ABCA12: variants seen among roughly 807,000 people sequenced by gnomAD.
ABCA12 encodes the protein glucosylceramide transporter ABCA12.
Under a neutral mutation model 293.5 loss-of-function variants are expected in ABCA12, and 156 were observed. The ratio of observed to expected loss-of-function variants is 0.53; its 90% CI spans 0.47 to 0.61. The LOEUF (loss-of-function observed/expected upper bound fraction) is 0.61. Among genes scored for constraint, ABCA12 ranks in the 20% least tolerant of loss-of-function variants. The pLI is 0.00. For synonymous variants in ABCA12, 1,063 were observed against 1,108.0 expected (o/e 0.96, Z 0.81); for missense variants, 2,797 against 3,090.2 (o/e 0.91, Z 2.25).
chr2:214,993,555 T>C (rs952532846), intron 23 of ABCA12, among the ~76,000 whole-genome samples: 4 of 152,250 alleles, frequency 2.6e-5, no homozygotes, highest in Admixed American at 2.0e-4. Context: ...TATTTTCAGA[T>C]TTTTATGCCT....
chr2:214,951,846 T>G (rs576720631), intron 44 of ABCA12, among the ~76,000 whole-genome samples: 1 of 152,304 alleles, frequency 6.6e-6, no homozygotes, highest in South Asian at 2.1e-4. Flanking sequence ...TTAACAAAAT[T>G]TTAAGTGCAT....
chr2:215,109,730 T>C (rs1702532509), intron 2 of ABCA12, among the ~76,000 whole-genome samples: 1 of 152,186 alleles, frequency 6.6e-6, no homozygotes, highest in African/African-American at 2.4e-5. Flanking sequence ...CACAGTTTTT[T>C]CCATGAATCT....
At chr2:215,074,587 T>C (rs1442523555) in intron 2 of ABCA12, among the ~76,000 whole-genome samples, 1 of 152,066 alleles carries the variant, frequency 6.6e-6, no homozygotes, top group Non-Finnish European at 1.5e-5. Context: ...TGGATCTGGG[T>C]GTCAAAGAAA....
intron 17 of ABCA12, 56 bp downstream of exon 17, chr2:215,011,383 C>T: frequency 7.9e-7 from 1 of 1,269,426 alleles, no homozygotes; most frequent in Non-Finnish European, 1.1e-6. Flanking sequence ...ACAGAATAGA[C>T]AGTATTCTTA....
intron 2 of ABCA12, among the ~76,000 whole-genome samples, chr2:215,076,700 T>C (rs370675889): frequency 2.0e-5 from 3 of 152,220 alleles, no homozygotes; most frequent in East Asian, 3.8e-4. Flanking sequence ...ATATCCATTA[T>C]GGTAATAAAT....
At chr2:215,065,836 T>C (rs1428961692) in intron 2 of ABCA12, among the ~76,000 whole-genome samples, 2 of 152,076 alleles carry the variant, frequency 1.3e-5, no homozygotes, top group East Asian at 3.9e-4. Context: ...ACAGTAACTA[T>C]AGAAAAAAAT....
At chr2:214,947,621 GA>G (rs1035111041) in intron 47 of ABCA12, 65 bp from the exon 48 acceptor site, 3,380 of 1,361,842 alleles carry the variant, frequency 2.5e-3, no homozygotes, top group Admixed American at 5.0e-3. Context: ...GCACTAAATG[GA>G]AAAAAAAAAG....
At chr2:215,065,468 G>A (rs951256473) in intron 2 of ABCA12, among the ~76,000 whole-genome samples, 2 of 151,820 alleles carry the variant, frequency 1.3e-5, no homozygotes, top group Non-Finnish European at 2.9e-5. Flanking sequence ...TTTGATTCCA[G>A]TAACTTAAAT....
chr2:214,975,749 T>C, intron 34 of ABCA12, 36 bp downstream of exon 34: 2 of 1,613,700 alleles, frequency 1.2e-6, no homozygotes, highest in Non-Finnish European at 1.7e-6. Flanking sequence ...GGAAGCATTT[T>C]GGAAACATTC....
In ABCA12 at chr2:214,969,693, C is replaced by G. The variant is rs567754435; in HGVS notation, c.5690+580G>C. ...AATAATATTCTTTTTCTTCTTTTTG[C>G]TTATCTGTAGTTTCTAATTATTTTT... On this transcript the variant is annotated intron_variant, in intron 37 of 52. Coordinates refer to ENST00000272895, the MANE Select transcript of ABCA12 (RefSeq NM_173076.3). Among the ~76,000 whole-genome samples, 628 of 151,958 alleles carry G rather than the reference C, an allele frequency of 4.1e-3. 4 individuals carry two copies. The highest frequency in any genetic ancestry group is 0.015 in the African/African-American group (605 of 41,482).
chr2:215,032,201 G>A (rs1441385261), intron 8 of ABCA12: 17 of 868,838 alleles, frequency 2.0e-5, no homozygotes, highest in Non-Finnish European at 2.2e-5. Context: ...ATATGCAGAT[G>A]ACTGCTAAGT....
chr2:214,979,148 T>C, intron 31 of ABCA12, 108 bp from the exon 32 acceptor site: 2 of 963,838 alleles, frequency 2.1e-6, no homozygotes, highest in South Asian at 2.6e-5. Flanking sequence ...ACTCCACACC[T>C]GAGTCAGATC....
chr2:214,949,962 A>G (rs1698702972), intron 45 of ABCA12, among the ~76,000 whole-genome samples: 1 of 152,170 alleles, frequency 6.6e-6, no homozygotes, highest in African/African-American at 2.4e-5. Flanking sequence ...ACATGTGTAA[A>G]TTATATATAC....
Position 215,026,851 on chromosome 2 carries a change from A to C in ABCA12, c.1149T>G (p.Asn383Lys). The C allele has an allele frequency of 6.2e-7, 1 of 1,613,212 alleles. No homozygotes were observed. Among genetic ancestry groups the C allele is most frequent in the Non-Finnish European group, 8.5e-7 (1 of 1,179,158 alleles). The change falls in exon 10 of 53, where the codon AAT becomes AAG. Residue 383 changes from asparagine to lysine, a missense_variant. Asn to Lys is a moderately conservative substitution (Grantham distance 94). This residue lies in a region of ABCA12 where 656 missense variants were observed against 638.2 expected (regional missense o/e 1.03). Coordinates refer to ENST00000272895, the MANE Select transcript of ABCA12 (RefSeq NM_173076.3). Reference sequence around the variant, plus strand: ...AACCTCTGGCCAAACTGTCAGTCACATTTCTCACACATGCCAAGTAAGGAA... The same window carrying C: ...AACCTCTGGCCAAACTGTCAGTCACCTTTCTCACACATGCCAAGTAAGGAA... ...PYIPYLACVR[N>K]VTDSLARGSP...
At position 215,093,541 on chromosome 2, in the gene ABCA12, G is replaced by A. The variant is rs181345945; in HGVS notation, c.163+18056C>T. ...GAATTCTTACACAAGAACCAGAACC[G>A]CGCCCTGTAGTCTTTTTATCCAAAC... is the stretch of plus-strand genomic sequence containing the variant. On this transcript the variant is annotated intron_variant, in intron 2 of 52. Transcript: ENST00000272895. Among the ~76,000 whole-genome samples, 5 of 152,294 alleles carry A rather than the reference G, an allele frequency of 3.3e-5. No individual in the cohort carries two copies. The East Asian group carries it at 7.7e-4, about 24-fold the overall frequency.
rs1448430178 is a variant in ABCA12, at chr2:215,027,032, G to A, written c.1062-94C>T. Reference sequence around the variant, plus strand: ...CATTTTGGTCCCTTGTTTGGCATTGGTTGACTTGGACATTGAAATACTATG... The same window carrying A: ...CATTTTGGTCCCTTGTTTGGCATTGATTGACTTGGACATTGAAATACTATG... On this transcript the variant is annotated intron_variant, in intron 9 of 52. Transcript: ENST00000272895. 23 of 932,188 alleles carry A rather than the reference G, an allele frequency of 2.5e-5. No individual in the cohort carries two copies. In the Admixed American group the frequency reaches 4.0e-4, roughly 16 times the overall value. The allele number at this position is 932,188 out of a possible 1,614,324, so 57.7% of individuals were successfully genotyped here.
Position 215,007,770 on chromosome 2 carries a change from A to G in ABCA12, c.2549T>C (p.Met850Thr). The G allele has an allele frequency of 1.2e-6, 2 of 1,614,084 alleles. No individual in the cohort carries two copies. Among genetic ancestry groups the G allele is most frequent in the Non-Finnish European group, 1.7e-6 (2 of 1,179,962 alleles). The change falls in exon 19 of 53, where the codon ATG becomes ACG. Residue 850 changes from methionine to threonine, a missense_variant. By Grantham distance (81) the Met-to-Thr change is moderately conservative. This residue lies in a region of ABCA12 where 2,130 missense variants were observed against 2,427.0 expected (regional missense o/e 0.88). Transcript: ENST00000272895. ...CTGGTTTAACAGATGGAAGGAATTC[A>G]TGAAAAGTGGCGACTTATCCATCCA... ...QEWMDKSPLF[M>T]NSFHLLNQAI...
intron 51 of ABCA12, 42 bp from the exon 52 acceptor site, chr2:214,934,257 G>C: frequency 6.2e-7 from 1 of 1,611,876 alleles, no homozygotes; most frequent in Non-Finnish European, 8.5e-7. Context: ...GCAATGTCTG[G>C]TAATGTTGAC....
At chr2:215,031,117 T>A (rs1466138824) in intron 9 of ABCA12, among the ~76,000 whole-genome samples, 4 of 152,198 alleles carry the variant, frequency 2.6e-5, no homozygotes, top group Non-Finnish European at 5.9e-5. Context: ...CTGCTTACAT[T>A]AATGGTCTTT....
Sources: gnomAD v4.1 joint callset for allele counts (sites outside exome capture counted in the v4.1 genomes callset) on GRCh38, gnomAD v4.1.1 for gene constraint, gnomAD v4.1.1 regional missense constraint, MANE v1.5 for transcripts, NCBI Gene and HGNC (gene_info 2026-07-23, HGNC 2026-07-21) for gene names.